Variants in ZNF423 observed in about 807,000 individuals in gnomAD.
ZNF423 encodes Ebf-associated zinc finger protein.
A neutral mutation model predicts 95.8 loss-of-function variants in ZNF423; 12 were observed. The observed-to-expected ratio is 0.13, with a 90% CI of 0.08 to 0.20. The LOEUF (loss-of-function observed/expected upper bound fraction) is 0.20, where lower values mean the gene tolerates loss of function less well. Ranked by LOEUF, ZNF423 falls within the 10% of genes least tolerant of loss-of-function variation. The pLI is 1.00. For synonymous variants in ZNF423, 749 were observed against 711.9 expected, an observed-to-expected ratio of 1.05 and a Z score of -0.83; for missense variants, 1,316 against 1,737.1, an observed-to-expected ratio of 0.76 and a Z score of 4.31.
At chr16:49,493,432 G>C (rs531972094) in intron 7 of ZNF423, among the ~76,000 whole-genome samples, 1 of 152,328 alleles carries the variant, frequency 6.6e-6, no homozygotes, top group South Asian at 2.1e-4. Flanking sequence ...CCAGGGCTGG[G>C]CATGCACTGT....
intron 2 of ZNF423, among the ~76,000 whole-genome samples, chr16:49,755,944 G>A (rs6500252): frequency 0.51 from 77,165 of 151,866 alleles, 20,478 homozygotes; most frequent in African/African-American, 0.67. Context: ...GCCCTGCCTC[G>A]GAGGAGATCA....
At chr16:49,611,557 C>CATTA (rs1971722423) in intron 5 of ZNF423, among the ~76,000 whole-genome samples, 2 of 151,908 alleles carry the variant, frequency 1.3e-5, no homozygotes, top group African/African-American at 4.8e-5. Flanking sequence ...AGTCTCAAAT[C>CATTA]ATTAATTAAG....
At chr16:49,765,926 C>T (rs762671871) in intron 2 of ZNF423, among the ~76,000 whole-genome samples, 10 of 151,874 alleles carry the variant, frequency 6.6e-5, no homozygotes, top group East Asian at 1.9e-4. Context: ...GCCTAGGCGA[C>T]GGGGAATGGG....
intron 5 of ZNF423, among the ~76,000 whole-genome samples, chr16:49,528,362 G>A (rs1567445715): frequency 1.3e-5 from 2 of 152,154 alleles, no homozygotes; most frequent in Admixed American, 6.5e-5. Flanking sequence ...AGGCAGCCCT[G>A]GAGCTGCAAG....
At chr16:49,806,519 C>CT (rs1239296406) in intron 1 of ZNF423, among the ~76,000 whole-genome samples, 1 of 152,192 alleles carries the variant, frequency 6.6e-6, no homozygotes, top group Non-Finnish European at 1.5e-5. Flanking sequence ...GTCCTCTGTG[C>CT]TAACATACTG....
intron 5 of ZNF423, among the ~76,000 whole-genome samples, chr16:49,599,861 C>T (rs1971302491): frequency 1.3e-5 from 2 of 152,142 alleles, no homozygotes. Flanking sequence ...GGTAGGGGTA[C>T]AGGGGTATCA....
chr16:49,810,034 C>G (rs2034727302), intron 1 of ZNF423, among the ~76,000 whole-genome samples: 1 of 152,144 alleles, frequency 6.6e-6, no homozygotes, highest in Non-Finnish European at 1.5e-5. Flanking sequence ...TGACAGCACC[C>G]CTTCCCCACT....
In ZNF423 at chr16:49,635,603, G is replaced by T; in HGVS notation, c.3516+57C>A. The stretch of plus-strand genomic sequence containing the variant: ...ACTCAGGGTACGTGGCTCCTGTGGG[G>T]ACCAGAGGAGCCCCAAGGAGAGGAG... On this transcript the variant is annotated intron_variant, in intron 4 of 7. Coordinates refer to ENST00000563137, the MANE Select transcript of ZNF423 (RefSeq NM_001379286.1). The surrounding 1 kb of genome is among the most constrained non-coding windows in gnomAD (Gnocchi z 4.8). The T allele has an allele frequency of 6.7e-7, 1 of 1,501,696 alleles. No individual in the cohort carries two copies. Among genetic ancestry groups the T allele is most frequent in the South Asian group, 1.4e-5 (1 of 73,244 alleles). The allele number at this position is 1,501,696 out of a possible 1,614,324, so 93.0% of individuals were successfully genotyped here. A position where few individuals can be genotyped will look rare whatever the true frequency, so the allele number is the denominator to read the frequency against.
At chr16:49,506,246 A>T (rs1322761395) in intron 7 of ZNF423, among the ~76,000 whole-genome samples, 1 of 152,110 alleles carries the variant, frequency 6.6e-6, no homozygotes, top group Non-Finnish European at 1.5e-5. Context: ...ATGGATAGGG[A>T]GATGGATGGT....
intron 3 of ZNF423, among the ~76,000 whole-genome samples, chr16:49,691,862 T>C (rs542300325): frequency 4.1e-4 from 62 of 152,320 alleles, no homozygotes; most frequent in Non-Finnish European, 8.4e-4. Flanking sequence ...GCTGAGCACT[T>C]GGCCTCCTCC....
At chr16:49,644,697 A>C (rs12925237) in intron 3 of ZNF423, among the ~76,000 whole-genome samples, 93 of 125,320 alleles carry the variant, frequency 7.4e-4, no homozygotes, top group African/African-American at 1.4e-3. Flanking sequence ...AAAAAAAAAA[A>C]CCGTGAGCCT....
intron 5 of ZNF423, among the ~76,000 whole-genome samples, chr16:49,616,576 A>G (rs971758751): frequency 3.3e-5 from 5 of 152,296 alleles, no homozygotes; most frequent in Admixed American, 3.3e-4. Context: ...CCTGTATCGA[A>G]AGATCTCATG....
intron 3 of ZNF423, among the ~76,000 whole-genome samples, chr16:49,700,403 G>C (rs949260318): frequency 1.3e-5 from 2 of 152,144 alleles, no homozygotes; most frequent in East Asian, 1.9e-4. Flanking sequence ...AGCAGAAAAG[G>C]CCCCTCCTGA....
chr16:49,510,081 G>A (rs1198702775), intron 7 of ZNF423, among the ~76,000 whole-genome samples: 1 of 152,236 alleles, frequency 6.6e-6, no homozygotes, highest in African/African-American at 2.4e-5. Flanking sequence ...TAAACTCGCT[G>A]TTGAGCCTGC....
At chr16:49,803,405 G>C (rs79098613) in intron 1 of ZNF423, among the ~76,000 whole-genome samples, 3 of 152,096 alleles carry the variant, frequency 2.0e-5, no homozygotes, top group African/African-American at 7.2e-5. Flanking sequence ...GAGAATCCAC[G>C]CTGCAACACA....
At chr16:49,824,054 C>T (rs189876203) in intron 1 of ZNF423, among the ~76,000 whole-genome samples, 3 of 152,126 alleles carry the variant, frequency 2.0e-5, no homozygotes, top group Admixed American at 6.6e-5. Context: ...ACTCCAGCCT[C>T]GATGACAGAG....
chr16:49,512,905 C>T (rs961976777), intron 7 of ZNF423, among the ~76,000 whole-genome samples: 1 of 152,038 alleles, frequency 6.6e-6, no homozygotes, highest in Non-Finnish European at 1.5e-5. Flanking sequence ...AGACCAGCCT[C>T]GCCAACATGG....
chr16:49,858,672 C>A (rs1354759829), upstream of ZNF423, among the ~76,000 whole-genome samples: 1 of 150,348 alleles, frequency 6.7e-6, no homozygotes, highest in African/African-American at 2.5e-5. This position sits in a 1 kb window ranked among gnomAD's most constrained non-coding sequence, Gnocchi z 4.3. Context: ...CCAGCTTGTG[C>A]GTCCAAGAGT....
chr16:49,754,029 CAAAAA>C (rs35566540), intron 2 of ZNF423, among the ~76,000 whole-genome samples: 106 of 91,718 alleles, frequency 1.2e-3, no homozygotes, highest in African/African-American at 3.9e-3. Context: ...AAGACTCCGT[CAAAAA>C]AAAAAAAAAA....
Sources: gnomAD v4.1 joint callset for allele counts (sites outside exome capture counted in the v4.1 genomes callset) on GRCh38, gnomAD v4.1.1 for gene constraint, Gnocchi (gnomAD v3.1) non-coding constraint, MANE v1.5 for transcripts, NCBI Gene and HGNC (gene_info 2026-07-23, HGNC 2026-07-21) for gene names.